Variants in SBF2 observed in about 807,000 individuals in gnomAD.
SBF2 encodes the protein myotubularin-related protein 13.
SBF2 carries 112 observed loss-of-function variants against 225.2 expected under a neutral mutation model. The ratio of observed to expected loss-of-function variants is 0.50; its 90% CI spans 0.43 to 0.58. The LOEUF (loss-of-function observed/expected upper bound fraction) is 0.58, where lower values mean the gene tolerates loss of function less well. Among genes scored for constraint, SBF2 ranks in the 20% least tolerant of loss-of-function variants. The pLI, the probability that SBF2 is intolerant of heterozygous loss-of-function variation, is 0.00. For missense variants in SBF2, 1,996 were observed against 2,206.2 expected, an observed-to-expected ratio of 0.90 and a Z score of 1.91; for synonymous variants, 763 against 773.3, an observed-to-expected ratio of 0.99 and a Z score of 0.22.
At chr11:10,072,186 A>C (rs939983010) in intron 2 of SBF2, among the ~76,000 whole-genome samples, 1 of 152,188 alleles carries the variant, frequency 6.6e-6, no homozygotes, top group Non-Finnish European at 1.5e-5. Flanking sequence ...AAAATACCTA[A>C]TTTTGACTTT....
chr11:10,036,923 T>A (rs1463668886), intron 3 of SBF2, among the ~76,000 whole-genome samples: 1 of 152,192 alleles, frequency 6.6e-6, no homozygotes, highest in Non-Finnish European at 1.5e-5. Flanking sequence ...CAGCCCTTCC[T>A]AGCCTGAAAT....
At chr11:10,013,437 T>C (rs1200091116) in intron 6 of SBF2, among the ~76,000 whole-genome samples, 2 of 152,248 alleles carry the variant, frequency 1.3e-5, no homozygotes, top group Non-Finnish European at 2.9e-5. Flanking sequence ...CTGCTGTTTT[T>C]ACACAAAGTT....
chr11:10,216,350 C>T (rs1384947302), intron 1 of SBF2, among the ~76,000 whole-genome samples: 2 of 152,220 alleles, frequency 1.3e-5, no homozygotes, highest in African/African-American at 4.8e-5. Flanking sequence ...CTCTCACCAA[C>T]TGATGTTACC....
chr11:10,167,666 T>G (rs886189380), intron 2 of SBF2, among the ~76,000 whole-genome samples: 3 of 152,240 alleles, frequency 2.0e-5, no homozygotes, highest in African/African-American at 7.2e-5. Flanking sequence ...CCTAGATCAT[T>G]TGCTTTTCTT....
intron 32 of SBF2, among the ~76,000 whole-genome samples, chr11:9,799,490 G>A (rs1853354628): frequency 1.3e-5 from 2 of 152,188 alleles, no homozygotes; most frequent in Non-Finnish European, 2.9e-5. Context: ...TACTGGAAGT[G>A]GAAGAGAAGA....
intron 16 of SBF2, among the ~76,000 whole-genome samples, chr11:9,912,991 A>G (rs2134193440): frequency 6.6e-6 from 1 of 152,354 alleles, no homozygotes; most frequent in South Asian, 2.1e-4. Context: ...GGTACTTCAA[A>G]AAAGAGAAAA....
intron 7 of SBF2, among the ~76,000 whole-genome samples, chr11:10,001,528 A>T (rs111689511): frequency 0.016 from 2,369 of 146,628 alleles, 44 homozygotes; most frequent in African/African-American, 0.043. Context: ...TTAAAAATAA[A>T]TTTTTTTTTT....
chr11:9,998,402 C>T (rs372381677), intron 8 of SBF2, 23 bp from the exon 9 acceptor site: 141 of 1,233,132 alleles, frequency 1.1e-4, no homozygotes, highest in Non-Finnish European at 1.6e-4. Flanking sequence ...AAAAAATTAA[C>T]CTATAATTAC....
At chr11:9,952,007 C>A (rs1267525439) in intron 16 of SBF2, among the ~76,000 whole-genome samples, 3 of 152,222 alleles carry the variant, frequency 2.0e-5, no homozygotes, top group African/African-American at 7.2e-5. Flanking sequence ...ACGTCAACCT[C>A]CACATCTTTA....
chr11:10,304,507 C>T (rs1236871198), exon 1 of SBF2, among the ~76,000 whole-genome samples: 1 of 152,190 alleles, frequency 6.6e-6, no homozygotes, highest in African/African-American at 2.4e-5. Context: ...CACCCCGAAA[C>T]GCCGGGGTCT....
intron 2 of SBF2, among the ~76,000 whole-genome samples, chr11:10,132,367 A>C (rs1291342716): frequency 2.0e-5 from 3 of 152,138 alleles, no homozygotes; most frequent in African/African-American, 7.2e-5. Flanking sequence ...TTCAAGAATG[A>C]AGCCGTGGAC....
At chr11:10,098,826 G>A (rs1952160809) in intron 2 of SBF2, among the ~76,000 whole-genome samples, 2 of 150,878 alleles carry the variant, frequency 1.3e-5, no homozygotes, top group Admixed American at 1.3e-4. Flanking sequence ...TCAAAAACAG[G>A]TCATTTGATT....
At chr11:9,965,819 G>C (rs1339522668) in intron 14 of SBF2, among the ~76,000 whole-genome samples, 1 of 152,054 alleles carries the variant, frequency 6.6e-6, no homozygotes. Context: ...TAATTTCCTG[G>C]TTAAACTGAT....
Position 10,037,540 on chromosome 11 carries a change from C to T in SBF2, c.279+5304G>A, listed in dbSNP as rs570257083. 2.6e-5 allele frequency among the ~76,000 whole-genome samples: 4 copies of T among 151,922 alleles called. No individual in the cohort carries two copies. The South Asian group carries it at 6.2e-4, about 24-fold the overall frequency. On this transcript the variant is annotated intron_variant, in intron 3 of 39. Coordinates refer to ENST00000256190, the MANE Select transcript of SBF2 (RefSeq NM_030962.4). ...GGTTTTTCCAATGAGATATTCATCA[C>T]AGTTATTCATAATATTGACAAAACA...
At chr11:10,195,662 T>A (rs1490778844) in intron 1 of SBF2, among the ~76,000 whole-genome samples, 1 of 152,194 alleles carries the variant, frequency 6.6e-6, no homozygotes, top group Admixed American at 6.5e-5. Flanking sequence ...GCAATCAATT[T>A]ACGGCCAAAT....
At chr11:9,856,167 T>G (rs766010702) in intron 19 of SBF2, among the ~76,000 whole-genome samples, 40 of 152,326 alleles carry the variant, frequency 2.6e-4, no homozygotes, top group Non-Finnish European at 5.3e-4. Context: ...TTTGGAATGA[T>G]TTCTGTAAAT....
At chr11:9,849,974 C>T (rs1413263698) in intron 22 of SBF2, 49 bp downstream of exon 22, 2 of 1,538,764 alleles carry the variant, frequency 1.3e-6, no homozygotes, top group Non-Finnish European at 1.8e-6. Context: ...GGATCGAGAC[C>T]TCATGTACCA....
intron 29 of SBF2, among the ~76,000 whole-genome samples, chr11:9,816,048 C>G (rs1854439877): frequency 6.6e-6 from 1 of 152,194 alleles, no homozygotes; most frequent in Non-Finnish European, 1.5e-5. Context: ...CCAGTGCCAA[C>G]TGGAGCACTG....
intron 2 of SBF2, among the ~76,000 whole-genome samples, chr11:10,082,044 G>A (rs1037561273): frequency 6.6e-6 from 1 of 151,982 alleles, no homozygotes; most frequent in Non-Finnish European, 1.5e-5. Context: ...AAAGAAAAAG[G>A]AGACATTGCA....
Sources: allele counts gnomAD v4.1 joint callset (sites outside exome capture counted in the v4.1 genomes callset), GRCh38; gene constraint gnomAD v4.1.1; transcripts MANE v1.5; gene names NCBI Gene and HGNC (gene_info 2026-07-23, HGNC 2026-07-21).